The following PHACTR1 variants were observed in gnomAD, a reference collection of about 807,000 sequenced individuals.
PHACTR1 encodes phosphatase and actin regulator 1, also known as RPEL repeat containing 1.
A neutral mutation model predicts 69.2 loss-of-function variants in PHACTR1; 16 were observed. That is an observed-to-expected ratio of 0.23 (90% CI 0.16 to 0.35). The LOEUF (loss-of-function observed/expected upper bound fraction) is 0.35, where lower values mean the gene tolerates loss of function less well. Among genes scored for constraint, PHACTR1 ranks in the 10% least tolerant of loss-of-function variants. The probability of loss-of-function intolerance (pLI) is 1.00; values close to 1 mark genes in which losing one functional copy is unlikely to be tolerated. For missense variants in PHACTR1, 510 were observed against 734.7 expected, an observed-to-expected ratio of 0.69 and a Z score of 3.54; for synonymous variants, 312 against 284.5, an observed-to-expected ratio of 1.10 and a Z score of -0.97.
chr6:12,867,633 T>A (rs1781587255), intron 4 of PHACTR1, among the ~76,000 whole-genome samples: 1 of 152,186 alleles, frequency 6.6e-6, no homozygotes, highest in African/African-American at 2.4e-5. Flanking sequence ...GAAACTCAGT[T>A]CATTATCAGA....
At chr6:13,183,253 C>T (rs868773072) in intron 7 of PHACTR1, among the ~76,000 whole-genome samples, 1 of 152,314 alleles carries the variant, frequency 6.6e-6, no homozygotes, top group African/African-American at 2.4e-5. Flanking sequence ...GGCCAATACT[C>T]ATCCTCTCAG....
chr6:13,277,636 T>TCC (rs375470019), intron 11 of PHACTR1, among the ~76,000 whole-genome samples: 19 of 151,368 alleles, frequency 1.3e-4, no homozygotes, highest in African/African-American at 3.7e-4. Flanking sequence ...TGCCTGTGTG[T>TCC]CCCCGTGTCA....
intron 10 of PHACTR1, chr6:13,253,098 C>T (rs560133566): frequency 6.6e-5 from 30 of 451,686 alleles, no homozygotes; most frequent in East Asian, 2.1e-4. Flanking sequence ...TCCTGCCACC[C>T]GTCTCCTGGC....
At chr6:13,052,104 A>G (rs1028273213) in intron 4 of PHACTR1, among the ~76,000 whole-genome samples, 34 of 152,134 alleles carry the variant, frequency 2.2e-4, no homozygotes, top group African/African-American at 7.5e-4. Context: ...TGGTCACTCA[A>G]TCAGTCACTA....
At chr6:12,967,770 A>G (rs1793669029) in intron 4 of PHACTR1, among the ~76,000 whole-genome samples, 2 of 152,258 alleles carry the variant, frequency 1.3e-5, no homozygotes, top group African/African-American at 4.8e-5. Flanking sequence ...GGACGGAATC[A>G]AGTCCAAAGT....
rs192130123 is a variant in PHACTR1, at chr6:13,020,088, C to A, written c.251-33277C>A. 8.0e-3 allele frequency among the ~76,000 whole-genome samples: 1,216 copies of A among 152,188 alleles called. 21 individuals carry two copies. Among genetic ancestry groups the A allele is most frequent in the African/African-American group, 0.028 (1,143 of 41,510 alleles). ...TAGCCAGAGAGAGGGGCACAGGAGACCTTACTTCACCCCACAGGCTGTAAG... is the reference window on the plus strand; with the variant it reads ...TAGCCAGAGAGAGGGGCACAGGAGAACTTACTTCACCCCACAGGCTGTAAG... On this transcript the variant is annotated intron_variant, in intron 4 of 14. Transcript: ENST00000332995.
chr6:12,750,261 T>G (rs189205888), intron 4 of PHACTR1, among the ~76,000 whole-genome samples: 65 of 152,256 alleles, frequency 4.3e-4, no homozygotes, highest in Non-Finnish European at 6.8e-4. Context: ...GCTGGCCGCC[T>G]GGAACGGAAC....
chr6:13,265,594 G>C (rs1178247027), intron 10 of PHACTR1, among the ~76,000 whole-genome samples: 1 of 152,230 alleles, frequency 6.6e-6, no homozygotes, highest in East Asian at 1.9e-4. Flanking sequence ...AAGGCCAGCA[G>C]ATGCTGACTT....
At chr6:13,256,863 C>T (rs927894183) in intron 10 of PHACTR1, among the ~76,000 whole-genome samples, 1 of 152,106 alleles carries the variant, frequency 6.6e-6, no homozygotes, top group Admixed American at 6.5e-5. Flanking sequence ...CCGTCATCTT[C>T]CTCTCTTCTT....
chr6:13,087,255 C>CT (rs1362241230), intron 5 of PHACTR1, among the ~76,000 whole-genome samples: 3 of 150,226 alleles, frequency 2.0e-5, no homozygotes, highest in Non-Finnish European at 4.4e-5. Context: ...AATCATCCTT[C>CT]TTTTTAAAAA....
chr6:13,012,707 G>A (rs532119129), intron 4 of PHACTR1, among the ~76,000 whole-genome samples: 1 of 152,296 alleles, frequency 6.6e-6, no homozygotes, highest in South Asian at 2.1e-4. Context: ...AGCACACAAG[G>A]TGATTGTGAT....
intron 4 of PHACTR1, among the ~76,000 whole-genome samples, chr6:12,846,748 G>C (rs1478718994): frequency 6.7e-6 from 1 of 149,600 alleles, no homozygotes; most frequent in African/African-American, 2.5e-5. Flanking sequence ...TGTGGCCTTA[G>C]GAGATTTGTG....
At chr6:13,112,911 C>T (rs1307865361) in intron 5 of PHACTR1, among the ~76,000 whole-genome samples, 4 of 151,984 alleles carry the variant, frequency 2.6e-5, no homozygotes, top group East Asian at 1.9e-4. Context: ...ACATGTGTTG[C>T]GATTGTTTTT....
intron 7 of PHACTR1, among the ~76,000 whole-genome samples, chr6:13,192,531 A>T (rs1763742685): frequency 6.6e-6 from 1 of 152,246 alleles, no homozygotes. Flanking sequence ...TTAACTTTGT[A>T]GAAGGAAGTT....
intron 4 of PHACTR1, among the ~76,000 whole-genome samples, chr6:12,996,076 C>T (rs558695412): frequency 6.6e-6 from 1 of 151,954 alleles, no homozygotes; most frequent in Non-Finnish European, 1.5e-5. Context: ...GCAAATAGTA[C>T]TTTGAGGGAA....
intron 10 of PHACTR1, among the ~76,000 whole-genome samples, chr6:13,231,039 GAGAGAAAGGAAGGAAGGAAGGAAGGA>G (rs1376634367): frequency 8.4e-6 from 1 of 118,480 alleles, no homozygotes. Context: ...AAGAGAGAGA[GAGAGAAAGGAAGGAAGGAAGGAAGGA>G]AGGAAGGAAG....
intron 4 of PHACTR1, among the ~76,000 whole-genome samples, chr6:12,829,939 C>G (rs1306905456): frequency 7.7e-6 from 1 of 129,180 alleles, no homozygotes; most frequent in Non-Finnish European, 1.6e-5. Flanking sequence ...GTCTGGGAAA[C>G]AGAGCAAGAC....
At chr6:12,862,668 A>T (rs2151219) in intron 4 of PHACTR1, among the ~76,000 whole-genome samples, 151,511 of 152,296 alleles carry the variant, frequency 0.99, 75,376 homozygotes, top group Middle Eastern at 1. Context: ...GCACCATGCT[A>T]TTTGCGTTCA....
At chr6:13,065,546 G>A (rs925015297) in intron 5 of PHACTR1, among the ~76,000 whole-genome samples, 1 of 152,124 alleles carries the variant, frequency 6.6e-6, no homozygotes, top group South Asian at 2.1e-4. Flanking sequence ...TGGTTGAGGA[G>A]TAAATGAGAG....
Sources: allele counts gnomAD v4.1 joint callset (sites outside exome capture counted in the v4.1 genomes callset), GRCh38; gene constraint gnomAD v4.1.1; transcripts MANE v1.5; gene names NCBI Gene and HGNC (gene_info 2026-07-23, HGNC 2026-07-21).